The following PROX1 variants were observed in gnomAD, a reference collection of about 807,000 sequenced individuals.
PROX1 encodes prospero homeobox 1, also known as prospero homeobox protein 1.
Under a neutral mutation model 58.8 loss-of-function variants are expected in PROX1, and 7 were observed. That is an observed-to-expected ratio of 0.12 (90% CI 0.07 to 0.22). The LOEUF is 0.22. Ranked by LOEUF, PROX1 falls within the 10% of genes least tolerant of loss-of-function variation. PROX1 has a pLI of 1.00. For missense variants in PROX1, 675 were observed against 927.8 expected (o/e 0.73, Z 3.54); for synonymous variants, 350 against 358.3 (o/e 0.98, Z 0.26).
chr1:213,986,217 G>C (rs766715580), upstream of PROX1: 2 of 151,734 alleles, frequency 1.3e-5, no homozygotes, highest in Non-Finnish European at 2.9e-5. Context: ...GTGCGTGTGC[G>C]CTCCTCTGTG....
chr1:214,000,525 ACT>A (rs1253902758), intron 2 of PROX1, among the ~76,000 whole-genome samples: 1 of 152,110 alleles, frequency 6.6e-6, no homozygotes, highest in African/African-American at 2.4e-5. Context: ...AGTTGCTCAC[ACT>A]CAGAATTGTT....
In PROX1 at chr1:214,038,181, T is replaced by C. The variant is rs1477603537; in HGVS notation, c.*2347T>C. The C allele has an allele frequency of 1.3e-5, 2 of 152,214 alleles. No individual in the cohort carries two copies. Among genetic ancestry groups the C allele is most frequent in the African/African-American group, 4.8e-5 (2 of 41,464 alleles). The allele number at this position is 152,214 out of a possible 1,614,324, so 9.4% of individuals were successfully genotyped here. On this transcript the variant is annotated 3_prime_UTR_variant, in exon 5 of 5. Transcript: ENST00000366958. ...AAATGTTGATGCCCTTATCTACTGA[T>C]AATATCCTCTCAATGTTCACTGAGG... is the stretch of plus-strand genomic sequence containing the variant.
At chr1:214,019,039 T>G (rs114228828) in intron 4 of PROX1, among the ~76,000 whole-genome samples, 93 of 152,262 alleles carry the variant, frequency 6.1e-4, no homozygotes, top group African/African-American at 2.2e-3. Flanking sequence ...TCAAACAGAC[T>G]TTCACTTTCA....
rs372925105 is a variant in PROX1 at position 213,997,120 on chromosome 1, G to A, written c.585G>A (p.Pro195=). The A allele has an allele frequency of 2.5e-6, 4 of 1,613,716 alleles. No homozygotes were observed. In the South Asian group the frequency reaches 3.3e-5, roughly 13 times the overall value. ...RGNENEREMA[P]QSVSPRESYR... ...ATGAAAATGAAAGAGAGATGGCCCC[G>A]CAGTCTGTGAGTCCCCGAGAAAGTT... Residue 195 remains proline (P), a synonymous_variant, in exon 2 of 5, where the codon CCG becomes CCA. Coordinates refer to ENST00000366958, the MANE Select transcript of PROX1 (RefSeq NM_001270616.2). The surrounding 1 kb of genome is among the most constrained non-coding windows in gnomAD (Gnocchi z 7.1).
intron 2 of PROX1, among the ~76,000 whole-genome samples, chr1:214,000,270 G>GA (rs141831965): frequency 3.9e-5 from 6 of 152,072 alleles, no homozygotes; most frequent in Non-Finnish European, 5.9e-5. Context: ...AGTCTTCTAG[G>GA]AAAAAAATCT....
intron 4 of PROX1, among the ~76,000 whole-genome samples, chr1:214,033,425 C>G (rs1664728526): frequency 6.6e-6 from 1 of 152,230 alleles, no homozygotes; most frequent in African/African-American, 2.4e-5. Flanking sequence ...TGGTGAAACC[C>G]CATCTCTACT....
chr1:213,990,659 CGTGTGTGTGTGTGTGTGTGTGT>C (rs71165944), intron 1 of PROX1, among the ~76,000 whole-genome samples: 4 of 136,020 alleles, frequency 2.9e-5, no homozygotes, highest in East Asian at 4.4e-4. Context: ...AGAGAACTGT[CGTGTGTGTGTGTGTGTGTGTGT>C]GTGTGTGTGT....
chr1:214,019,301 A>G (rs930090504), intron 4 of PROX1, among the ~76,000 whole-genome samples: 1 of 151,892 alleles, frequency 6.6e-6, no homozygotes, highest in African/African-American at 2.4e-5. Flanking sequence ...CAACATTGAC[A>G]TCCGTGATCA....
rs1465970652 is a variant in PROX1, at chr1:214,039,570, A to G, written c.*3736A>G. 6.6e-6 allele frequency: 1 copy of G among 152,230 alleles called. No individual in the cohort carries two copies. The highest frequency in any genetic ancestry group is 2.4e-5 in the African/African-American group (1 of 41,454). The allele number at this position is 152,230 out of a possible 1,614,324, so 9.4% of individuals were successfully genotyped here. On this transcript the variant is annotated 3_prime_UTR_variant, in exon 5 of 5. Transcript: ENST00000366958. ...AGACATGAGATTTTAATAAATAACT[A>G]CATTCTCACGACATCTGTTGAATTT...
Position 214,035,266 on chromosome 1 carries a change from G to A in PROX1, c.2029-383G>A, listed in dbSNP as rs1368856780. 3.3e-5 allele frequency among the ~76,000 whole-genome samples: 5 copies of A among 152,054 alleles called. No individual in the cohort carries two copies. The East Asian group carries it at 9.6e-4, about 29-fold the overall frequency. On this transcript the variant is annotated intron_variant, in intron 4 of 4. Transcript: ENST00000366958. ...GAGAACGTATTTTGTTTTCATCATGGCAATCAAAAAGAAATAGGATTCAAA... is the reference window on the plus strand; with the variant it reads ...GAGAACGTATTTTGTTTTCATCATGACAATCAAAAAGAAATAGGATTCAAA...
chr1:214,008,616 A>G (rs563201803), intron 3 of PROX1, among the ~76,000 whole-genome samples: 1 of 152,330 alleles, frequency 6.6e-6, no homozygotes, highest in East Asian at 1.9e-4. Flanking sequence ...GAATGGACAC[A>G]GTGCTTAACT....
intron 4 of PROX1, among the ~76,000 whole-genome samples, chr1:214,016,831 G>A (rs1664114144): frequency 6.6e-6 from 1 of 152,114 alleles, no homozygotes; most frequent in African/African-American, 2.4e-5. Flanking sequence ...GATTCAAGGT[G>A]TTCATCAGTA....
At chr1:214,003,146 T>G (rs538605908) in intron 2 of PROX1, among the ~76,000 whole-genome samples, 11 of 152,364 alleles carry the variant, frequency 7.2e-5, no homozygotes, top group Admixed American at 3.3e-4. Context: ...ATAAATTAGA[T>G]GTATTAAAAG....
At chr1:214,014,462 G>A (rs1664025709) in intron 4 of PROX1, among the ~76,000 whole-genome samples, 2 of 152,130 alleles carry the variant, frequency 1.3e-5, no homozygotes. Context: ...GTAGGAGCTG[G>A]TCAAACAATA....
rs914124655 is a variant in PROX1, at chr1:214,039,323, T to C, written c.*3489T>C. On this transcript the variant is annotated 3_prime_UTR_variant, in exon 5 of 5. Transcript: ENST00000366958. ...AATGTAGTAATTATTTAAGTAAACG[T>C]TCACCCACATATTCCTGAAGTTTGC... The C allele has an allele frequency of 1.3e-5, 2 of 152,174 alleles. No individual in the cohort carries two copies. The highest frequency in any genetic ancestry group is 2.9e-5 in the Non-Finnish European group (2 of 68,022). 9.4% of individuals were successfully genotyped at this position (152,174 alleles called of 1,614,324 possible). A position where few individuals can be genotyped will look rare whatever the true frequency, so the allele number is the denominator to read the frequency against.
At chr1:214,016,633 G>A (rs1326251405) in intron 4 of PROX1, among the ~76,000 whole-genome samples, 2 of 152,182 alleles carry the variant, frequency 1.3e-5, no homozygotes, top group Non-Finnish European at 2.9e-5. Context: ...TCAAATGAAT[G>A]TTCTCTAAAT....
intron 4 of PROX1, among the ~76,000 whole-genome samples, chr1:214,023,927 G>T (rs1179786575): frequency 1.3e-5 from 2 of 152,226 alleles, no homozygotes; most frequent in African/African-American, 4.8e-5. Context: ...CTGACCATAT[G>T]TAGAAGAAGC....
rs1369980939 is a variant in PROX1, at chr1:214,016,520, C to T, written c.2028+4805C>T. On this transcript the variant is annotated intron_variant, in intron 4 of 4. Transcript: ENST00000366958. ...AAAGCTGCTGAGCCGTTTAAATAATCGCATAACACACTCTTGGTGGGTGGC... is the reference window on the plus strand; with the variant it reads ...AAAGCTGCTGAGCCGTTTAAATAATTGCATAACACACTCTTGGTGGGTGGC... 2.6e-5 allele frequency among the ~76,000 whole-genome samples: 4 copies of T among 152,140 alleles called. No individual in the cohort carries two copies. The East Asian group carries it at 5.8e-4, about 22-fold the overall frequency.
At chr1:214,019,177 G>A (rs1488030131) in intron 4 of PROX1, among the ~76,000 whole-genome samples, 6 of 152,144 alleles carry the variant, frequency 3.9e-5, no homozygotes, top group South Asian at 4.1e-4. Flanking sequence ...TGACTTTCTC[G>A]TGCCTTAACG....
Sources: allele counts gnomAD v4.1 joint callset (sites outside exome capture counted in the v4.1 genomes callset), GRCh38; gene constraint gnomAD v4.1.1; non-coding constraint Gnocchi (gnomAD v3.1); transcripts MANE v1.5; gene names NCBI Gene and HGNC (gene_info 2026-07-23, HGNC 2026-07-21).